The following MACROD2 variants were observed in gnomAD, a reference collection of about 807,000 sequenced individuals.
The protein encoded by MACROD2 is mono-ADP ribosylhydrolase 2.
A neutral mutation model predicts 70.4 loss-of-function variants in MACROD2; 36 were observed. The observed-to-expected ratio is 0.51, with a 90% CI of 0.39 to 0.68. The LOEUF (loss-of-function observed/expected upper bound fraction) is 0.68. MACROD2 is among the 30% of genes least tolerant of loss of function. The pLI is 0.00. For missense variants in MACROD2, 496 were observed against 538.4 expected (o/e 0.92, Z 0.78); for synonymous variants, 172 against 178.8 (o/e 0.96, Z 0.30).
intron 5 of MACROD2, among the ~76,000 whole-genome samples, chr20:15,031,434 A>C (rs146456726): frequency 6.6e-6 from 1 of 152,166 alleles, no homozygotes; most frequent in African/African-American, 2.4e-5. Context: ...AGAATGAGGT[A>C]TGTGGACAAC....
chr20:14,760,962 G>C (rs1319141867), intron 5 of MACROD2, among the ~76,000 whole-genome samples: 1 of 152,016 alleles, frequency 6.6e-6, no homozygotes, highest in Non-Finnish European at 1.5e-5. Flanking sequence ...TGTTCTCTTT[G>C]ATTTTTTTGC....
chr20:14,402,142 A>C (rs2083644275), intron 3 of MACROD2, among the ~76,000 whole-genome samples: 1 of 152,166 alleles, frequency 6.6e-6, no homozygotes, highest in South Asian at 2.1e-4. Context: ...ATGGGTATAT[A>C]TGTCTCATGC....
intron 12 of MACROD2, among the ~76,000 whole-genome samples, chr20:15,940,018 A>C (rs1264393148): frequency 6.6e-6 from 1 of 152,168 alleles, no homozygotes; most frequent in Non-Finnish European, 1.5e-5. Flanking sequence ...CATCTTATTT[A>C]TTAAGAAAAA....
At chr20:15,224,935 G>C (rs1039249982) in intron 5 of MACROD2, among the ~76,000 whole-genome samples, 1 of 149,976 alleles carries the variant, frequency 6.7e-6, no homozygotes, top group Non-Finnish European at 1.5e-5. Flanking sequence ...ACTGCAGCCT[G>C]GGCAACAGAG....
intron 14 of MACROD2, 97 bp from the exon 15 acceptor site, chr20:15,986,969 A>T: frequency 8.1e-7 from 1 of 1,229,032 alleles, no homozygotes; most frequent in Non-Finnish European, 1.2e-6. Flanking sequence ...TTGAAGGGGG[A>T]AAAAAGAACT....
At chr20:15,415,566 GCTATGGATAATTTTTA>G (rs992282161) in intron 6 of MACROD2, among the ~76,000 whole-genome samples, 1 of 152,164 alleles carries the variant, frequency 6.6e-6, no homozygotes, top group African/African-American at 2.4e-5. Context: ...GTTACAATCT[GCTATGGATAATTTTTA>G]TTTTGTTCAT....
At chr20:14,282,596 G>C (rs1319804838) in intron 3 of MACROD2, among the ~76,000 whole-genome samples, 2 of 152,166 alleles carry the variant, frequency 1.3e-5, no homozygotes, top group African/African-American at 4.8e-5. Context: ...AAATACCGGA[G>C]ACTGGGTAAT....
At chr20:15,274,442 G>A (rs1241513250) in intron 6 of MACROD2, among the ~76,000 whole-genome samples, 3 of 152,178 alleles carry the variant, frequency 2.0e-5, no homozygotes, top group Non-Finnish European at 4.4e-5. Flanking sequence ...TCTTTCTCCT[G>A]GTTCTTACTC....
At chr20:14,844,905 T>TA (rs1392271827) in intron 5 of MACROD2, among the ~76,000 whole-genome samples, 1 of 152,132 alleles carries the variant, frequency 6.6e-6, no homozygotes, top group Non-Finnish European at 1.5e-5. Flanking sequence ...CTTCTTTTTC[T>TA]AATATTCCTG....
chr20:15,677,566 G>C (rs968963785), intron 8 of MACROD2, among the ~76,000 whole-genome samples: 9 of 152,092 alleles, frequency 5.9e-5, no homozygotes, highest in Non-Finnish European at 1.3e-4. Context: ...TGTGGATAGA[G>C]AAGAGAACAC....
At chr20:14,716,740 A>G (rs6079537) in intron 5 of MACROD2, among the ~76,000 whole-genome samples, 59,174 of 151,928 alleles carry the variant, frequency 0.39, 13,337 homozygotes, top group Non-Finnish European at 0.51. Flanking sequence ...AAAAATGTGT[A>G]ATTGAAACAG....
intron 3 of MACROD2, among the ~76,000 whole-genome samples, chr20:14,423,989 C>A (rs1382214911): frequency 6.6e-6 from 1 of 151,452 alleles, no homozygotes; most frequent in Non-Finnish European, 1.5e-5. Context: ...CTTGAACTCT[C>A]GACCTCAGGT....
chr20:15,263,815 T>C (rs538261441), intron 6 of MACROD2, among the ~76,000 whole-genome samples: 1 of 152,278 alleles, frequency 6.6e-6, no homozygotes, highest in Middle Eastern at 3.4e-3. Flanking sequence ...TATTACTTTC[T>C]TGATTTCTTT....
chr20:15,228,072 A>G (rs983874383), intron 5 of MACROD2, among the ~76,000 whole-genome samples: 5 of 152,070 alleles, frequency 3.3e-5, no homozygotes, highest in Non-Finnish European at 1.5e-5. Flanking sequence ...TTTATTAAAG[A>G]AACTAAAGTA....
rs767405201 is a variant in MACROD2, at chr20:15,023,644, G to A, written c.419-206296G>A. 3.9e-5 allele frequency among the ~76,000 whole-genome samples: 6 copies of A among 152,298 alleles called. No homozygotes were observed. The South Asian group carries it at 1.2e-3, about 32-fold the overall frequency. ...GTCTTACATGGCGGCAGGCAAGAGGGTGTGTGCAGGAGAATTCCCCTTTAG... is the reference window on the plus strand; with the variant it reads ...GTCTTACATGGCGGCAGGCAAGAGGATGTGTGCAGGAGAATTCCCCTTTAG... On this transcript the variant is annotated intron_variant, in intron 5 of 17. Coordinates refer to ENST00000684519, the MANE Select transcript of MACROD2 (RefSeq NM_001351661.2).
chr20:15,885,866 TA>T, intron 10 of MACROD2, 55 bp downstream of exon 10: 1 of 1,444,674 alleles, frequency 6.9e-7, no homozygotes, highest in Non-Finnish European at 9.2e-7. Flanking sequence ...TTTTGTTGTT[TA>T]TGTACACTTC....
rs557773118 is a variant in MACROD2 at position 15,455,275 on chromosome 20, GA to G, written c.571+23841del. Among the ~76,000 whole-genome samples, 446 of 152,300 alleles carry G rather than the reference GA, an allele frequency of 2.9e-3. 1 individual carries two copies. The highest frequency in any genetic ancestry group is 4.5e-3 in the Non-Finnish European group (305 of 68,024). ...CTTTTTAACCAGCTATGTCAGCCAT[GA>G]TTTAGATAATGAGTGTGCATATTGG... On this transcript the variant is annotated intron_variant, in intron 7 of 17. Coordinates refer to ENST00000684519, the MANE Select transcript of MACROD2 (RefSeq NM_001351661.2).
rs543127643 is a variant in MACROD2 at position 14,163,713 on chromosome 20, G to A, written c.271+77985G>A. Among the ~76,000 whole-genome samples, 431 of 150,256 alleles carry A rather than the reference G, an allele frequency of 2.9e-3. 2 individuals are homozygous for A. The highest frequency in any genetic ancestry group is 9.7e-3 in the African/African-American group (397 of 40,818). On this transcript the variant is annotated intron_variant, in intron 3 of 17. Transcript: ENST00000684519. ...ACCTGTCTTCAAGTTCTGAGATTCC[G>A]TCTTCTGCTTGATTTAGTTTACTAT...
intron 10 of MACROD2, among the ~76,000 whole-genome samples, chr20:15,903,760 A>T (rs748877477): frequency 6.6e-6 from 1 of 152,210 alleles, no homozygotes; most frequent in African/African-American, 2.4e-5. Flanking sequence ...TCTAACTTAT[A>T]TTTTAAAAGA....
Sources: gnomAD v4.1 joint callset for allele counts (sites outside exome capture counted in the v4.1 genomes callset) on GRCh38, gnomAD v4.1.1 for gene constraint, MANE v1.5 for transcripts, NCBI Gene and HGNC (gene_info 2026-07-23, HGNC 2026-07-21) for gene names.